The following FAM174A variants were observed in gnomAD, a reference collection of about 807,000 sequenced individuals.
The protein encoded by FAM174A is membrane protein FAM174A.
In FAM174A, 14 loss-of-function variants were observed where a neutral mutation model predicts 14.3. The ratio of observed to expected loss-of-function variants is 0.98; its 90% CI spans 0.65 to 1.53. The LOEUF (loss-of-function observed/expected upper bound fraction) is 1.53, where lower values mean the gene tolerates loss of function less well. Among genes scored for constraint, FAM174A ranks in the 40% most tolerant of loss-of-function variants. The probability of loss-of-function intolerance (pLI) is 0.00; values close to 1 mark genes in which losing one functional copy is unlikely to be tolerated. For missense variants in FAM174A, 241 were observed against 249.6 expected (o/e 0.97, Z 0.23); for synonymous variants, 108 against 111.4 (o/e 0.97, Z 0.19).
In FAM174A at chr5:100,586,337, G is replaced by A. The variant is rs530364446; in HGVS notation, c.*153G>A. ...TTAATTTGCTGTTGCAATAAATACCGTATCCTTTTATTATATCTTTATATG... is the reference window on the plus strand; with the variant it reads ...TTAATTTGCTGTTGCAATAAATACCATATCCTTTTATTATATCTTTATATG... On this transcript the variant is annotated 3_prime_UTR_variant, in exon 3 of 3. Coordinates refer to ENST00000312637, the MANE Select transcript of FAM174A (RefSeq NM_198507.3). The A allele has an allele frequency of 2.1e-4, 97 of 461,294 alleles. No individual in the cohort carries two copies. The highest frequency in any genetic ancestry group is 4.9e-4 in the South Asian group (13 of 26,716). 28.6% of individuals were successfully genotyped at this position (461,294 alleles called of 1,614,324 possible).
At chr5:100,567,139 A>G (rs1024383658) in intron 2 of FAM174A, among the ~76,000 whole-genome samples, 1 of 151,906 alleles carries the variant, frequency 6.6e-6, no homozygotes, top group African/African-American at 2.4e-5. Context: ...ATGGTAAAGC[A>G]TGTTTCAGGG....
intron 2 of FAM174A, among the ~76,000 whole-genome samples, chr5:100,569,779 G>T (rs1163826731): frequency 1.3e-5 from 2 of 151,774 alleles, no homozygotes; most frequent in Non-Finnish European, 2.9e-5. Context: ...CACAAAAATG[G>T]ACAAAATGCT....
chr5:100,559,172 T>G (rs139384426), intron 1 of FAM174A, among the ~76,000 whole-genome samples: 2,865 of 152,190 alleles, frequency 0.019, 76 homozygotes, highest in African/African-American at 0.063. Flanking sequence ...GTCTGTAAAG[T>G]ATTTTATTTC....
chr5:100,539,757 T>C (rs1273767033), intron 1 of FAM174A, among the ~76,000 whole-genome samples: 1 of 152,208 alleles, frequency 6.6e-6, no homozygotes, highest in Non-Finnish European at 1.5e-5. Context: ...TGTGATCATT[T>C]AAAGTAACCA....
chr5:100,537,043 G>C (rs1745955246), intron 1 of FAM174A, among the ~76,000 whole-genome samples: 2 of 152,294 alleles, frequency 1.3e-5, no homozygotes, highest in Middle Eastern at 3.4e-3. Flanking sequence ...TATTGTTTCA[G>C]ATTCCACATT....
At chr5:100,579,398 T>G (rs1226311040) in intron 2 of FAM174A, among the ~76,000 whole-genome samples, 1 of 152,082 alleles carries the variant, frequency 6.6e-6, no homozygotes, top group Non-Finnish European at 1.5e-5. Context: ...GAAATAGCTG[T>G]CAGTTAAATT....
intron 1 of FAM174A, among the ~76,000 whole-genome samples, chr5:100,548,236 A>G (rs1746198802): frequency 6.6e-6 from 1 of 152,090 alleles, no homozygotes; most frequent in African/African-American, 2.4e-5. Flanking sequence ...GCTGGGCTCA[A>G]TTGCTCTCTA....
chr5:100,583,672 A>G (rs149500544), intron 2 of FAM174A, among the ~76,000 whole-genome samples: 101 of 151,672 alleles, frequency 6.7e-4, no homozygotes, highest in African/African-American at 2.2e-3. Context: ...AGTTTCTTTC[A>G]TGATTTCCTT....
chr5:100,552,874 T>G (rs1478193555), intron 1 of FAM174A, among the ~76,000 whole-genome samples: 5 of 152,094 alleles, frequency 3.3e-5, no homozygotes, highest in African/African-American at 1.2e-4. Context: ...AGGTGATGAG[T>G]GAATATAATT....
chr5:100,551,554 A>T (rs1746263071), intron 1 of FAM174A, among the ~76,000 whole-genome samples: 1 of 152,092 alleles, frequency 6.6e-6, no homozygotes, highest in African/African-American at 2.4e-5. Context: ...AGATCTCCTT[A>T]ATTTCCCTTT....
intron 1 of FAM174A, among the ~76,000 whole-genome samples, chr5:100,544,844 GA>G (rs1264486917): frequency 6.6e-6 from 1 of 152,212 alleles, no homozygotes; most frequent in Non-Finnish European, 1.5e-5. Flanking sequence ...AAACTAGATT[GA>G]GATGCTTCTG....
chr5:100,543,952 G>A (rs563354861), intron 1 of FAM174A, among the ~76,000 whole-genome samples: 2 of 152,152 alleles, frequency 1.3e-5, no homozygotes, highest in South Asian at 2.1e-4. Flanking sequence ...ATTTCCAGGG[G>A]ACTATAATAG....
intron 1 of FAM174A, among the ~76,000 whole-genome samples, chr5:100,556,993 G>A (rs1377911118): frequency 1.3e-5 from 2 of 152,134 alleles, no homozygotes; most frequent in African/African-American, 2.4e-5. Flanking sequence ...AATAGGAGTG[G>A]TGAGAGAGGG....
rs35523732 is a variant in FAM174A, at chr5:100,564,336, CA to C, written c.569+2158del. Among the ~76,000 whole-genome samples, 265 of 145,620 alleles carry C rather than the reference CA, an allele frequency of 1.8e-3. 2 individuals are homozygous for C. The highest frequency in any genetic ancestry group is 3.9e-3 in the East Asian group (19 of 4,910). The stretch of plus-strand genomic sequence containing the variant: ...GGGAATTTTAAGAGCTATTTTGAGA[CA>C]AAAAAAAAATGGCATAACAAAACTT... On this transcript the variant is annotated intron_variant, in intron 2 of 2. Transcript: ENST00000312637.
chr5:100,555,572 A>G, intron 1 of FAM174A, among the ~76,000 whole-genome samples: 1 of 151,926 alleles, frequency 6.6e-6, no homozygotes, highest in Non-Finnish European at 1.5e-5. Context: ...CTATTTCTCC[A>G]CATCCTCTCT....
At chr5:100,542,630 T>C (rs1746080569) in intron 1 of FAM174A, among the ~76,000 whole-genome samples, 1 of 152,162 alleles carries the variant, frequency 6.6e-6, no homozygotes, top group Non-Finnish European at 1.5e-5. Flanking sequence ...TATCATACTA[T>C]GTGTGTGCTT....
At chr5:100,542,667 A>G (rs989277431) in intron 1 of FAM174A, among the ~76,000 whole-genome samples, 2 of 152,070 alleles carry the variant, frequency 1.3e-5, no homozygotes, top group East Asian at 1.9e-4. Context: ...ACACTGTCCA[A>G]TATGGTAGCC....
chr5:100,577,836 T>G (rs1204475549), intron 2 of FAM174A, among the ~76,000 whole-genome samples: 4 of 152,112 alleles, frequency 2.6e-5, no homozygotes, highest in African/African-American at 9.6e-5. Flanking sequence ...AAAGGAACTT[T>G]TATATAATTT....
chr5:100,564,336 C>CA (rs35523732), intron 2 of FAM174A, among the ~76,000 whole-genome samples: 33,201 of 145,536 alleles, frequency 0.23, 4,506 homozygotes, highest in Admixed American at 0.34. Flanking sequence ...TATTTTGAGA[C>CA]AAAAAAAAAA....
Sources: allele counts gnomAD v4.1 joint callset (sites outside exome capture counted in the v4.1 genomes callset), GRCh38; gene constraint gnomAD v4.1.1; transcripts MANE v1.5; gene names NCBI Gene and HGNC (gene_info 2026-07-23, HGNC 2026-07-21).